Variants in FAM81A observed in about 807,000 individuals in gnomAD.
FAM81A encodes the protein family with sequence similarity 81 member A, also known as protein FAM81A.
In FAM81A, 19 loss-of-function variants were observed where a neutral mutation model predicts 46.7. The observed-to-expected ratio is 0.41, with a 90% CI of 0.28 to 0.60. The LOEUF (loss-of-function observed/expected upper bound fraction) is 0.60. Among genes scored for constraint, FAM81A ranks in the 20% least tolerant of loss-of-function variants. The pLI is 0.34. For synonymous variants in FAM81A, 183 were observed against 152.9 expected (o/e 1.20, Z -1.45); for missense variants, 377 against 453.5 (o/e 0.83, Z 1.53).
chr15:59,450,625 C>T (rs1432419363), intron 1 of FAM81A, among the ~76,000 whole-genome samples: 1 of 151,914 alleles, frequency 6.6e-6, no homozygotes, highest in Non-Finnish European at 1.5e-5. Flanking sequence ...GGGATTTTAT[C>T]TCTTATGGCA....
chr15:59,456,885 T>G lies in FAM81A; in HGVS notation c.-77-1665T>G, dbSNP rs2081491673. On this transcript the variant is annotated intron_variant, in intron 1 of 8. Transcript: ENST00000288228. ...ATTACAGGCATGAGCCACAACCCAT[T>G]GTTTTCTGGTTGGTTTAGATGACTT... 2.0e-5 allele frequency among the ~76,000 whole-genome samples: 3 copies of G among 152,274 alleles called. No individual in the cohort carries two copies. The South Asian group carries it at 6.2e-4, about 32-fold the overall frequency.
chr15:59,453,037 A>G (rs2081437928), intron 1 of FAM81A, among the ~76,000 whole-genome samples: 2 of 152,384 alleles, frequency 1.3e-5, no homozygotes, highest in South Asian at 2.1e-4. Context: ...TGCTGGGATC[A>G]TAGGCATGAG....
intron 2 of FAM81A, among the ~76,000 whole-genome samples, chr15:59,427,056 C>T (rs1215753188): frequency 6.6e-6 from 1 of 152,194 alleles, no homozygotes; most frequent in African/African-American, 2.4e-5. Context: ...TTCTTTCTCC[C>T]ATTTGCCTGG....
rs566076130 is a variant in FAM81A at position 59,505,320 on chromosome 15, C to T, written c.414-1893C>T. 2.1e-4 allele frequency among the ~76,000 whole-genome samples: 32 copies of T among 151,914 alleles called. No individual in the cohort carries two copies. In the South Asian group the frequency reaches 5.6e-3, roughly 27 times the overall value. ...TGAGGTCAGGAGTTTGAGACCAGCC[C>T]GGCCAACATGGTGAAACCTCATGTT... On this transcript the variant is annotated intron_variant, in intron 4 of 8. Transcript: ENST00000288228.
intron 2 of FAM81A, among the ~76,000 whole-genome samples, chr15:59,421,711 C>A (rs62015020): frequency 1.0e-5 from 1 of 98,726 alleles, no homozygotes; most frequent in Non-Finnish European, 2.5e-5. Context: ...CTTAAACTAT[C>A]TATCTGTCTG....
At chr15:59,509,758 A>G (rs2082185635) in intron 6 of FAM81A, among the ~76,000 whole-genome samples, 1 of 152,104 alleles carries the variant, frequency 6.6e-6, no homozygotes, top group African/African-American at 2.4e-5. Flanking sequence ...TAGGATGAGA[A>G]TATATGAGGT....
chr15:59,518,948 T>C (rs2082297029), intron 8 of FAM81A, among the ~76,000 whole-genome samples: 1 of 130,346 alleles, frequency 7.7e-6, no homozygotes, highest in African/African-American at 2.8e-5. Flanking sequence ...TGTGTCTGTG[T>C]GTGTGTGTGT....
In FAM81A at chr15:59,425,800, A is replaced by T. The variant is rs146523173; in HGVS notation, c.-78+23442A>T. ...ATCACCATGACTGGATAATTATTTT[A>T]TTTTGTAGAGATGGGGGTCTCACTA... On this transcript the variant is annotated intron_variant, in intron 2 of 4. Coordinates refer to the FAM81A transcript ENST00000558348. Among the ~76,000 whole-genome samples the T allele has an allele frequency of 7.0e-3, 1,063 of 152,096 alleles. 15 individuals carry two copies. The highest frequency in any genetic ancestry group is 0.031 in the Middle Eastern group (9 of 294).
At chr15:59,455,184 A>G (rs1238655345) in intron 1 of FAM81A, among the ~76,000 whole-genome samples, 2 of 152,000 alleles carry the variant, frequency 1.3e-5, no homozygotes, top group African/African-American at 4.8e-5. Context: ...TACAGGCCAC[A>G]GTGCCTGGCC....
chr15:59,452,905 G>A (rs2081436480), intron 1 of FAM81A, among the ~76,000 whole-genome samples: 1 of 152,070 alleles, frequency 6.6e-6, no homozygotes, highest in Non-Finnish European at 1.5e-5. Context: ...TGGGACTGCA[G>A]GCATACACCA....
chr15:59,445,024 A>C (rs1415352891), intron 1 of FAM81A: 4 of 152,228 alleles, frequency 2.6e-5, no homozygotes, highest in Non-Finnish European at 5.9e-5. Flanking sequence ...GATAAATATC[A>C]AAAAGCCTAA....
At position 59,460,120 on chromosome 15, in the gene FAM81A, G is replaced by A; in HGVS notation, c.208G>A (p.Gly70Arg). Residue 70 changes from glycine to arginine, a missense_variant, in exon 3 of 9, where the codon GGA becomes AGA. Transcript: ENST00000288228. This position sits in a 1 kb window ranked among gnomAD's most constrained non-coding sequence, Gnocchi z 4.4. ...NSLQKMQNKG[G>R]GDRLARLFLE... The stretch of plus-strand genomic sequence containing the variant: ...TTTGCAGAAAATGCAAAACAAAGGG[G>A]GAGGTGACCGCTTGGCCAGGCTTTT... 3 of 1,614,014 alleles carry A rather than the reference G, an allele frequency of 1.9e-6. No individual in the cohort carries two copies. Among genetic ancestry groups the A allele is most frequent in the Non-Finnish European group, 2.5e-6 (3 of 1,179,902 alleles).
At chr15:59,462,163 A>G (rs1472364359) in intron 3 of FAM81A, among the ~76,000 whole-genome samples, 1 of 150,836 alleles carries the variant, frequency 6.6e-6, no homozygotes, top group Non-Finnish European at 1.5e-5. Context: ...AGACCATGCC[A>G]CTGCCCTCCA....
chr15:59,469,026 G>A (rs1173141757), intron 3 of FAM81A, among the ~76,000 whole-genome samples: 1 of 152,194 alleles, frequency 6.6e-6, no homozygotes, highest in African/African-American at 2.4e-5. Flanking sequence ...AGTTTTGAAT[G>A]AGTATCTTAA....
intron 1 of FAM81A, among the ~76,000 whole-genome samples, chr15:59,398,431 T>C (rs1327958781): frequency 2.6e-5 from 4 of 152,112 alleles, no homozygotes; most frequent in Non-Finnish European, 4.4e-5. Context: ...AGGTAGACAG[T>C]GCAAAATACC....
chr15:59,519,271 C>T (rs1336888388), intron 8 of FAM81A, among the ~76,000 whole-genome samples: 1 of 151,918 alleles, frequency 6.6e-6, no homozygotes, highest in East Asian at 1.9e-4. Context: ...TGACTGCGAC[C>T]TATTCTTCGC....
upstream of FAM81A, among the ~76,000 whole-genome samples, chr15:59,437,191 C>T (rs1474229028): frequency 6.6e-6 from 1 of 152,024 alleles, no homozygotes; most frequent in Admixed American, 6.6e-5. Flanking sequence ...ATTCCAAAAC[C>T]GCTCAGCCGA....
intron 2 of FAM81A, among the ~76,000 whole-genome samples, chr15:59,412,706 G>A (rs2081127215): frequency 9.3e-6 from 1 of 107,992 alleles, no homozygotes; most frequent in Admixed American, 1.1e-4. Context: ...CAGCCTGGGT[G>A]ACCCTGTCAC....
chr15:59,476,309 A>G (rs1011462752), intron 3 of FAM81A, among the ~76,000 whole-genome samples: 4 of 151,526 alleles, frequency 2.6e-5, no homozygotes, highest in Admixed American at 2.6e-4. Context: ...TGCAGCCTCA[A>G]CCTCCTGGGC....
Sources: gnomAD v4.1 joint callset for allele counts (sites outside exome capture counted in the v4.1 genomes callset) on GRCh38, gnomAD v4.1.1 for gene constraint, Gnocchi (gnomAD v3.1) non-coding constraint, MANE v1.5 for transcripts, NCBI Gene and HGNC (gene_info 2026-07-23, HGNC 2026-07-21) for gene names.